The following CHODL variants were observed in gnomAD, a reference collection of about 807,000 sequenced individuals.
The protein encoded by CHODL is chondrolectin.
CHODL carries 29 observed loss-of-function variants against 34.5 expected under a neutral mutation model. The ratio of observed to expected loss-of-function variants is 0.84; its 90% confidence interval spans 0.63 to 1.15. CHODL has a LOEUF of 1.15. Ranked by LOEUF, CHODL falls within the 50% of genes most tolerant of loss-of-function variation. The pLI is 0.00. For missense variants in CHODL, 332 were observed against 332.5 expected (o/e 1.00, Z 0.01); for synonymous variants, 125 against 116.1 (o/e 1.08, Z -0.49).
At chr21:18,060,842 AG>A (rs988016079) in intron 2 of CHODL, among the ~76,000 whole-genome samples, 9 of 151,948 alleles carry the variant, frequency 5.9e-5, no homozygotes, top group Non-Finnish European at 1.2e-4. Context: ...GACTCACCTG[AG>A]GGGTAAGTCT....
intron 2 of CHODL, among the ~76,000 whole-genome samples, chr21:18,184,560 A>G (rs1164136295): frequency 6.6e-6 from 1 of 152,208 alleles, no homozygotes; most frequent in African/African-American, 2.4e-5. Context: ...CAAGTATATA[A>G]AACAATAAAA....
chr21:18,240,690 C>CTTTAAAT (rs2074073168), upstream of CHODL, among the ~76,000 whole-genome samples: 1 of 151,888 alleles, frequency 6.6e-6, no homozygotes, highest in Non-Finnish European at 1.5e-5. Flanking sequence ...ACCAGATTAC[C>CTTTAAAT]AGCAATAGAA....
Position 17,918,337 on chromosome 21 carries a change from CAT to C in CHODL, c.-145+938_-145+939del, listed in dbSNP as rs144812030. Among the ~76,000 whole-genome samples, 447 of 152,168 alleles carry C rather than the reference CAT, an allele frequency of 2.9e-3. 1 individual carries two copies. The highest frequency in any genetic ancestry group is 6.8e-3 in the Middle Eastern group (2 of 294). ...TCCGTTTTCACACTGCTGATAAAGA[CAT>C]GTGTGAGACTGGCCAATTTACAAAA... On this transcript the variant is annotated intron_variant, in intron 1 of 6. Transcript: ENST00000400127.
intron 2 of CHODL, among the ~76,000 whole-genome samples, chr21:18,074,336 G>T (rs930199386): frequency 6.6e-6 from 1 of 152,144 alleles, no homozygotes; most frequent in African/African-American, 2.4e-5. Flanking sequence ...CAGACTTTAA[G>T]CAATAGTCTT....
intron 1 of CHODL, among the ~76,000 whole-genome samples, chr21:17,942,421 T>C (rs2063372737): frequency 6.6e-6 from 1 of 152,198 alleles, no homozygotes; most frequent in Admixed American, 6.5e-5. Flanking sequence ...ACAAGCTCTC[T>C]TGTTTGCTGC....
chr21:17,920,694 T>A (rs900844050), intron 1 of CHODL, among the ~76,000 whole-genome samples: 1 of 152,182 alleles, frequency 6.6e-6, no homozygotes, highest in African/African-American at 2.4e-5. Context: ...AAATGGTAGC[T>A]ATTATTATTA....
intron 2 of CHODL, among the ~76,000 whole-genome samples, chr21:18,070,544 T>C (rs1425173992): frequency 2.0e-5 from 3 of 152,206 alleles, no homozygotes; most frequent in Admixed American, 2.0e-4. Flanking sequence ...GCCTGCCTTT[T>C]GCTCAGCAGG....
At chr21:17,941,660 T>C (rs1251056764) in intron 1 of CHODL, among the ~76,000 whole-genome samples, 1 of 152,244 alleles carries the variant, frequency 6.6e-6, no homozygotes, top group East Asian at 1.9e-4. Context: ...AATTATTTTG[T>C]GATATTTGGC....
intron 2 of CHODL, among the ~76,000 whole-genome samples, chr21:18,215,818 C>G (rs1473151550): frequency 6.6e-6 from 1 of 152,140 alleles, no homozygotes; most frequent in Non-Finnish European, 1.5e-5. Flanking sequence ...CTCGCTACTT[C>G]TATCTATGAG....
intron 2 of CHODL, among the ~76,000 whole-genome samples, chr21:18,102,092 A>G (rs2065222211): frequency 1.3e-5 from 2 of 152,196 alleles, no homozygotes; most frequent in Non-Finnish European, 2.9e-5. Flanking sequence ...GAATCATAAG[A>G]AACAGCTTCT....
At chr21:18,182,578 A>G (rs985809330) in intron 2 of CHODL, among the ~76,000 whole-genome samples, 1 of 152,216 alleles carries the variant, frequency 6.6e-6, no homozygotes, top group Non-Finnish European at 1.5e-5. Context: ...TCTGTTTAAA[A>G]CACACTTTGC....
chr21:18,237,922 G>A (rs540539010), intron 2 of CHODL, among the ~76,000 whole-genome samples: 4 of 152,070 alleles, frequency 2.6e-5, no homozygotes, highest in Non-Finnish European at 4.4e-5. Context: ...AAATAAATAC[G>A]CCCACAATTT....
chr21:18,209,893 A>T (rs2073754858), intron 2 of CHODL, among the ~76,000 whole-genome samples: 1 of 152,126 alleles, frequency 6.6e-6, no homozygotes, highest in Admixed American at 6.5e-5. Flanking sequence ...CTGAGATAGT[A>T]TCCAAGTTCC....
intron 2 of CHODL, among the ~76,000 whole-genome samples, chr21:18,051,394 C>T (rs1363906382): frequency 1.3e-5 from 2 of 150,358 alleles, no homozygotes; most frequent in African/African-American, 2.5e-5. Flanking sequence ...AGGTTAGGTA[C>T]AGCTTTGTCT....
At chr21:18,124,598 T>G (rs531733167) in intron 2 of CHODL, among the ~76,000 whole-genome samples, 1 of 152,334 alleles carries the variant, frequency 6.6e-6, no homozygotes, top group South Asian at 2.1e-4. Flanking sequence ...ATTTTAAGAT[T>G]TAAAAAATTT....
intron 2 of CHODL, among the ~76,000 whole-genome samples, chr21:18,231,928 G>A (rs566965877): frequency 6.6e-6 from 1 of 152,050 alleles, no homozygotes; most frequent in South Asian, 2.1e-4. Flanking sequence ...TAAAATGATG[G>A]GGAGGGCCAG....
At chr21:18,195,276 G>A (rs752459545) in intron 2 of CHODL, among the ~76,000 whole-genome samples, 7 of 152,018 alleles carry the variant, frequency 4.6e-5, no homozygotes, top group Admixed American at 1.3e-4. Context: ...GGATGGTCTC[G>A]ATCTCCTGAC....
At chr21:18,054,158 TTATCCATATATCCATGTATA>T (rs939062434) in intron 2 of CHODL, among the ~76,000 whole-genome samples, 8 of 151,996 alleles carry the variant, frequency 5.3e-5, no homozygotes, top group Admixed American at 3.3e-4. Context: ...CCATATATCT[TTATCCATATATCCATGTATA>T]TATCCATATA....
intron 2 of CHODL, among the ~76,000 whole-genome samples, chr21:18,062,183 CT>C (rs1210587070): frequency 6.6e-6 from 1 of 152,094 alleles, no homozygotes; most frequent in African/African-American, 2.4e-5. Flanking sequence ...AAAGTTTAAA[CT>C]TTTGAGAATG....
Sources: gnomAD v4.1 joint callset for allele counts (sites outside exome capture counted in the v4.1 genomes callset) on GRCh38, gnomAD v4.1.1 for gene constraint, MANE v1.5 for transcripts, NCBI Gene and HGNC (gene_info 2026-07-23, HGNC 2026-07-21) for gene names.